KIF18B: variants seen among roughly 807,000 people sequenced by gnomAD.
The protein encoded by KIF18B is kinesin-like protein KIF18B.
In KIF18B, 49 loss-of-function variants were observed where a neutral mutation model predicts 80.9. The observed-to-expected ratio is 0.61, with a 90% CI of 0.48 to 0.77. The LOEUF (loss-of-function observed/expected upper bound fraction) is 0.77. Ranked by LOEUF, KIF18B falls within the 30% of genes least tolerant of loss-of-function variation. The probability of loss-of-function intolerance (pLI) is 0.00; values close to 1 mark genes in which losing one functional copy is unlikely to be tolerated. For synonymous variants in KIF18B, 439 were observed against 463.9 expected (o/e 0.95, Z 0.69); for missense variants, 994 against 1,127.7 (o/e 0.88, Z 1.70).
intron 1 of KIF18B, among the ~76,000 whole-genome samples, chr17:44,939,302 C>T (rs55995827): frequency 0.069 from 8,381 of 120,770 alleles, 322 homozygotes; most frequent in Admixed American, 0.1. Flanking sequence ...ACTTGGGAGG[C>T]GGAGGTTGCA....
At chr17:44,940,721 T>C (rs1190978109) in intron 1 of KIF18B, among the ~76,000 whole-genome samples, 1 of 152,124 alleles carries the variant, frequency 6.6e-6, no homozygotes, top group Non-Finnish European at 1.5e-5. Flanking sequence ...CACTGGTGGG[T>C]CACAAATGCC....
At position 44,926,998 on chromosome 17, in the gene KIF18B, C is replaced by T. The variant is rs113722041; in HGVS notation, c.2357G>A (p.Arg786His). 1.2e-4 allele frequency: 195 copies of T among 1,610,508 alleles called. No homozygotes were observed. The South Asian group carries it at 1.3e-3, about 11-fold the overall frequency. Residue 786 changes from arginine (R) to histidine (H), a missense_variant, in exon 14 of 16, where the codon CGC becomes CAC. Physicochemically the swap from Arg to His is conservative, Grantham distance 29. Transcript: ENST00000593135. Reference sequence around the variant, plus strand: ...ACCTCCCAAACCTCACCTCGCAACGCGCTTCTTCTTGCAGGCAGAGGTCCC... The same window carrying T: ...ACCTCCCAAACCTCACCTCGCAACGTGCTTCTTCTTGCAGGCAGAGGTCCC... ...LPGTSACKKK[R>H]VASSSVSHGR...
chr17:44,933,496 C>CTT (rs913406618), intron 7 of KIF18B, among the ~76,000 whole-genome samples: 19 of 143,154 alleles, frequency 1.3e-4, no homozygotes, highest in Non-Finnish European at 2.0e-4. Flanking sequence ...AGAGGAACTT[C>CTT]TTTTTTTTTT....
chr17:44,932,543 G>A (rs2052179438), intron 9 of KIF18B, 130 bp downstream of exon 9: 2 of 673,942 alleles, frequency 3.0e-6, no homozygotes, highest in East Asian at 2.5e-5. Context: ...GGCACTGGGT[G>A]CAAACCCTTA....
At position 44,936,616 on chromosome 17, in the gene KIF18B, ATATATATATTTTTTT is replaced by A. The variant is rs1567796145; in HGVS notation, c.-14-273_-14-259del. Among the ~76,000 whole-genome samples the A allele has an allele frequency of 1.7e-3, 132 of 79,732 alleles. 2 individuals carry two copies. The highest frequency in any genetic ancestry group is 6.3e-3 in the African/African-American group (123 of 19,520). The allele number at this position is 79,732 out of a possible 152,430, so 52.3% of individuals were successfully genotyped here. ...TCTCTCTCTATATATATATATATAT[ATATATATATTTTTTT>A]TTTTTTTTTTTTTTTTTTTTTTTTT... On this transcript the variant is annotated intron_variant, in intron 1 of 15. Coordinates refer to ENST00000593135, the MANE Select transcript of KIF18B (RefSeq NM_001265577.2).
intron 1 of KIF18B, among the ~76,000 whole-genome samples, chr17:44,943,291 G>A (rs1222300035): frequency 6.6e-6 from 1 of 151,852 alleles, no homozygotes; most frequent in East Asian, 1.9e-4. Flanking sequence ...TAGTAGAGGC[G>A]GGGTTTCACC....
At chr17:44,933,813 G>A (rs1307997138) in intron 7 of KIF18B, 110 bp downstream of exon 7, 20 of 1,098,786 alleles carry the variant, frequency 1.8e-5, no homozygotes, top group Non-Finnish European at 2.4e-5. Context: ...TCCTTCCTCT[G>A]CCTTGGGGAC....
Position 44,934,118 on chromosome 17 carries a change from G to T in KIF18B, c.886-19C>A, listed in dbSNP as rs753645053. 1.2e-6 allele frequency: 2 copies of T among 1,611,058 alleles called. No individual in the cohort carries two copies. Among genetic ancestry groups the T allele is most frequent in the Admixed American group, 1.7e-5 (1 of 59,700 alleles). On this transcript the variant is annotated intron_variant, in intron 6 of 15. Transcript: ENST00000593135. This position sits in a 1 kb window ranked among gnomAD's most constrained non-coding sequence, Gnocchi z 5.4. ...TGCGGCCCTGGGGGGCAGTAAGCAGGTGTGGGGTGAGGCGACTGATGGCAC... is the reference window on the plus strand; with the variant it reads ...TGCGGCCCTGGGGGGCAGTAAGCAGTTGTGGGGTGAGGCGACTGATGGCAC...
chr17:44,940,143 C>T (rs2052388511), intron 1 of KIF18B, among the ~76,000 whole-genome samples: 1 of 152,264 alleles, frequency 6.6e-6, no homozygotes, highest in Admixed American at 6.5e-5. Flanking sequence ...CTACTGATTT[C>T]TGCATGCAGA....
rs200263126 is a variant in KIF18B at position 44,936,324 on chromosome 17, C to T, written c.21G>A (p.Thr7=). 6,259 of 1,607,060 alleles carry T rather than the reference C, an allele frequency of 3.9e-3. 23 individuals carry two copies. Among genetic ancestry groups the T allele is most frequent in the Non-Finnish European group, 4.8e-3 (5,628 of 1,177,914 alleles). The change falls in exon 2 of 16, where the codon ACG becomes ACA. Residue 7 remains threonine (T), a synonymous_variant. Transcript: ENST00000593135. MAVEDS[T]LQVVVRVRPP... is the part of the protein sequence containing the mutation. ...GCCGCACCCGTACCACTACTTGCAG[C>T]GTGCTGTCCTCCACTGCCATCACTG...
chr17:44,932,364 A>G, intron 9 of KIF18B, 158 bp from the exon 10 acceptor site: 1 of 769,728 alleles, frequency 1.3e-6, no homozygotes. Flanking sequence ...CTTAGGTGAC[A>G]AATGGGCAGT....
Position 44,926,060 on chromosome 17 carries a change from T to C in KIF18B, c.*20A>G, listed in dbSNP as rs1555577100. On this transcript the variant is annotated 3_prime_UTR_variant, in exon 16 of 16. Transcript: ENST00000593135. ...GGGCCGGTAGGTTAGGACACCTTGG[T>C]GGTCAGGACATTCTGGCGGTCAGGA... 6.2e-7 allele frequency: 1 copy of C among 1,613,728 alleles called. No homozygotes were observed. Among genetic ancestry groups the C allele is most frequent in the South Asian group, 1.1e-5 (1 of 91,068 alleles).
rs994756334 is a variant in KIF18B, at chr17:44,927,429, C to A, written c.2277-351G>T. On this transcript the variant is annotated intron_variant, in intron 13 of 15. Transcript: ENST00000593135. The surrounding 1 kb of genome is among the most constrained non-coding windows in gnomAD (Gnocchi z 4.1). Reference sequence around the variant, plus strand: ...GGGCAGAGCCTGCCAGCCTCTGCCCCACAGGTGCAGGTCAGTCTGCCACTG... The same window carrying A: ...GGGCAGAGCCTGCCAGCCTCTGCCCAACAGGTGCAGGTCAGTCTGCCACTG... Among the ~76,000 whole-genome samples, 1 of 152,198 alleles carries A rather than the reference C, an allele frequency of 6.6e-6. No individual in the cohort carries two copies. The highest frequency in any genetic ancestry group is 1.5e-5 in the Non-Finnish European group (1 of 68,028).
chr17:44,945,500 G>T (rs574440448), intron 1 of KIF18B, among the ~76,000 whole-genome samples: 6 of 152,222 alleles, frequency 3.9e-5, no homozygotes, highest in African/African-American at 1.4e-4. Context: ...TCTAAGTATC[G>T]CTTTAACTGC....
At chr17:44,935,217 CGGGT>C (rs1567793942) in intron 3 of KIF18B, 38 bp downstream of exon 3, 4 of 1,538,656 alleles carry the variant, frequency 2.6e-6, no homozygotes, top group Non-Finnish European at 3.5e-6. Context: ...CACTTCCCCC[CGGGT>C]GGTTGTGAGA....
In KIF18B at chr17:44,934,768, G is replaced by T; in HGVS notation, c.576+63C>A. 2 of 1,361,604 alleles carry T rather than the reference G, an allele frequency of 1.5e-6. No individual in the cohort carries two copies. The highest frequency in any genetic ancestry group is 2.0e-6 in the Non-Finnish European group (2 of 989,780). 84.3% of individuals were successfully genotyped at this position (1,361,604 alleles called of 1,614,324 possible). On this transcript the variant is annotated intron_variant, in intron 4 of 15. Coordinates refer to ENST00000593135, the MANE Select transcript of KIF18B (RefSeq NM_001265577.2). This position sits in a 1 kb window ranked among gnomAD's most constrained non-coding sequence, Gnocchi z 5.4. The stretch of plus-strand genomic sequence containing the variant: ...ACAGGACCCAGGGCATCCCCAAACA[G>T]TTTTGTGAGGGAACCCCAAGGACCC...
chr17:44,932,900 C>A lies in KIF18B; in HGVS notation c.1137+12G>T. 1 of 1,598,186 alleles carries A rather than the reference C, an allele frequency of 6.3e-7. No individual in the cohort carries two copies. The highest frequency in any genetic ancestry group is 8.6e-7 in the Non-Finnish European group (1 of 1,167,678). ...TCGGCCCTCCAGCCTGCCCCCAAGG[C>A]GGGCTCCTCACCTCAGCCTGGAGCT... On this transcript the variant is annotated intron_variant, in intron 8 of 15. Transcript: ENST00000593135.
Position 44,934,981 on chromosome 17 carries a change from A to C in KIF18B, c.472-46T>G. ...GAGGCCTGAGGGAGAGCGGCCCATC[A>C]GGAAACCTCTCCCTAGCGGCTGGAC... On this transcript the variant is annotated intron_variant, in intron 3 of 15. Transcript: ENST00000593135. The surrounding 1 kb of genome is among the most constrained non-coding windows in gnomAD (Gnocchi z 5.4). 2 of 1,349,628 alleles carry C rather than the reference A, an allele frequency of 1.5e-6. No individual in the cohort carries two copies. The highest frequency in any genetic ancestry group is 1.5e-5 in the African/African-American group (1 of 68,444). The allele number at this position is 1,349,628 out of a possible 1,614,324, so 83.6% of individuals were successfully genotyped here. A position where few individuals can be genotyped will look rare whatever the true frequency, so the allele number is the denominator to read the frequency against.
chr17:44,932,036 C>A lies in KIF18B; in HGVS notation c.1389+20G>T. On this transcript the variant is annotated intron_variant, in intron 10 of 15. Transcript: ENST00000593135. Reference sequence around the variant, plus strand: ...CTCCAAGCCCTCCCGATACCCAGGCCTCACACCCCCAAGTCCTACCTCCTC... The same window carrying A: ...CTCCAAGCCCTCCCGATACCCAGGCATCACACCCCCAAGTCCTACCTCCTC... 6.3e-7 allele frequency: 1 copy of A among 1,593,660 alleles called. No individual in the cohort carries two copies. The highest frequency in any genetic ancestry group is 8.6e-7 in the Non-Finnish European group (1 of 1,167,612).
Sources: allele counts gnomAD v4.1 joint callset (sites outside exome capture counted in the v4.1 genomes callset), GRCh38; gene constraint gnomAD v4.1.1; non-coding constraint Gnocchi (gnomAD v3.1); transcripts MANE v1.5; gene names NCBI Gene and HGNC (gene_info 2026-07-23, HGNC 2026-07-21).